CATSPERE: variants seen among roughly 807,000 people sequenced by gnomAD.
The protein encoded by CATSPERE is cation channel sperm-associated auxiliary subunit epsilon.
In CATSPERE, 93 loss-of-function variants were observed where a neutral mutation model predicts 114.1. That is an observed-to-expected ratio of 0.81 (90% CI 0.69 to 0.97). The LOEUF (loss-of-function observed/expected upper bound fraction) is 0.97, where lower values mean the gene tolerates loss of function less well. Among genes scored for constraint, CATSPERE ranks in the 50% least tolerant of loss-of-function variants. The probability of loss-of-function intolerance (pLI) is 0.00; values close to 1 mark genes in which losing one functional copy is unlikely to be tolerated. For missense variants in CATSPERE, 1,058 were observed against 1,131.6 expected (o/e 0.93, Z 0.93); for synonymous variants, 341 against 384.1 (o/e 0.89, Z 1.31).
rs1407317023 is a variant in CATSPERE at position 244,568,687 on chromosome 1, CT to C, written c.1508-3642del. On this transcript the variant is annotated intron_variant, in intron 10 of 21. Transcript: ENST00000366534. The surrounding 1 kb of genome is among the most constrained non-coding windows in gnomAD (Gnocchi z 4.4). ...CAAGCCTCAGTAATGGCAGACGCTC[CT>C]ACCCCCACCAAGTTCGGGTGTCCCA... 1.3e-5 allele frequency among the ~76,000 whole-genome samples: 2 copies of C among 152,180 alleles called. No homozygotes were observed. The highest frequency in any genetic ancestry group is 6.5e-5 in the Admixed American group (1 of 15,278).
chr1:244,558,825 G>A (rs918902299), intron 9 of CATSPERE, among the ~76,000 whole-genome samples: 1 of 151,734 alleles, frequency 6.6e-6, no homozygotes, highest in Non-Finnish European at 1.5e-5. Context: ...TCCCAATTCT[G>A]TCAGGGAAGC....
chr1:244,483,391 A>C (rs549928414), intron 5 of CATSPERE, among the ~76,000 whole-genome samples: 5 of 152,354 alleles, frequency 3.3e-5, no homozygotes, highest in Admixed American at 3.3e-4. Flanking sequence ...GTTCAACTTT[A>C]CTGGGTGATG....
upstream of CATSPERE, among the ~76,000 whole-genome samples, chr1:244,452,615 A>AT (rs1203003710): frequency 6.6e-6 from 1 of 152,190 alleles, no homozygotes; most frequent in African/African-American, 2.4e-5. Context: ...TGGATTACCT[A>AT]TGTCGCATAT....
chr1:244,542,135 T>A (rs1313910261), intron 8 of CATSPERE, among the ~76,000 whole-genome samples: 2 of 129,286 alleles, frequency 1.5e-5, no homozygotes, highest in East Asian at 2.4e-4. Context: ...TGTGCACATG[T>A]ACCCTAAAAC....
chr1:244,523,158 C>A (rs551246460), intron 8 of CATSPERE, among the ~76,000 whole-genome samples: 2 of 149,406 alleles, frequency 1.3e-5, no homozygotes, highest in Admixed American at 1.3e-4. Flanking sequence ...GGGCTTCATC[C>A]CTGGGATGCA....
intron 6 of CATSPERE, among the ~76,000 whole-genome samples, chr1:244,492,410 ACT>A (rs1222733320): frequency 6.6e-6 from 1 of 150,626 alleles, no homozygotes; most frequent in Non-Finnish European, 1.5e-5. Flanking sequence ...CATGCTAAAA[ACT>A]CTCAATAAAT....
intron 7 of CATSPERE, among the ~76,000 whole-genome samples, chr1:244,503,796 TC>T: frequency 6.6e-6 from 1 of 152,084 alleles, no homozygotes; most frequent in East Asian, 1.9e-4. Flanking sequence ...GTCTCAAACC[TC>T]TGGGCTCAAG....
chr1:244,574,270 G>A lies in CATSPERE; in HGVS notation c.1950+1498G>A, dbSNP rs568081398. Among the ~76,000 whole-genome samples the A allele has an allele frequency of 2.6e-4, 39 of 152,274 alleles. No homozygotes were observed. The Middle Eastern group carries it at 0.01, about 40-fold the overall frequency. ...CGAACTGGAACATGCCTGTGAGCACGTCCAGCACAGATATCTCGGTTAAAG... is the reference window on the plus strand; with the variant it reads ...CGAACTGGAACATGCCTGTGAGCACATCCAGCACAGATATCTCGGTTAAAG... On this transcript the variant is annotated intron_variant, in intron 11 of 21. Transcript: ENST00000366534.
At chr1:244,497,214 A>C (rs1673237871) in intron 6 of CATSPERE, among the ~76,000 whole-genome samples, 1 of 152,226 alleles carries the variant, frequency 6.6e-6, no homozygotes, top group African/African-American at 2.4e-5. Flanking sequence ...AAGCAAACCA[A>C]GCTATATGAT....
intron 5 of CATSPERE, among the ~76,000 whole-genome samples, chr1:244,487,043 A>G: frequency 6.7e-6 from 1 of 149,736 alleles, no homozygotes; most frequent in Non-Finnish European, 1.5e-5. Flanking sequence ...CCAGGTACAG[A>G]CGCTCGTAGT....
chr1:244,617,512 C>A lies in CATSPERE; in HGVS notation c.2491-17C>A. 6 of 1,472,882 alleles carry A rather than the reference C, an allele frequency of 4.1e-6. No homozygotes were observed. The South Asian group carries it at 8.4e-5, about 21-fold the overall frequency. The allele number at this position is 1,472,882 out of a possible 1,614,324, so 91.2% of individuals were successfully genotyped here. A position where few individuals can be genotyped will look rare whatever the true frequency, so the allele number is the denominator to read the frequency against. ...CATAAAATGACCTTAAAATTTTTGTCTTTGTTTCTTGTTCAGAACTATAAA... is the reference window on the plus strand; with the variant it reads ...CATAAAATGACCTTAAAATTTTTGTATTTGTTTCTTGTTCAGAACTATAAA... On this transcript the variant is annotated splice_polypyrimidine_tract_variant and intron_variant, in intron 19 of 21. Transcript: ENST00000366534.
intron 17 of CATSPERE, among the ~76,000 whole-genome samples, chr1:244,601,563 G>A (rs1371978927): frequency 6.6e-6 from 1 of 152,162 alleles, no homozygotes; most frequent in Non-Finnish European, 1.5e-5. Flanking sequence ...TTTCTCACCA[G>A]CAAAAATAGG....
chr1:244,589,619 G>T (rs1243874210), intron 14 of CATSPERE, among the ~76,000 whole-genome samples: 1 of 152,110 alleles, frequency 6.6e-6, no homozygotes, highest in Non-Finnish European at 1.5e-5. Context: ...ATCAAAATCT[G>T]CATTTTAACA....
intron 5 of CATSPERE, among the ~76,000 whole-genome samples, chr1:244,483,037 T>C (rs1670494534): frequency 6.6e-6 from 1 of 152,246 alleles, no homozygotes; most frequent in Non-Finnish European, 1.5e-5. Context: ...TTGTGACTGC[T>C]CTATGGTATT....
intron 10 of CATSPERE, among the ~76,000 whole-genome samples, chr1:244,569,061 C>G (rs1023816014): frequency 6.7e-6 from 1 of 149,538 alleles, no homozygotes; most frequent in Non-Finnish European, 1.5e-5. Flanking sequence ...ATGGAGGAAC[C>G]AGACTGTTCC....
At chr1:244,480,641 T>TTCAATAAAACTGCAG (rs55834250) in intron 5 of CATSPERE, among the ~76,000 whole-genome samples, 1 of 151,408 alleles carries the variant, frequency 6.6e-6, no homozygotes, top group Admixed American at 6.6e-5. Flanking sequence ...TGGTTGTTGC[T>TTCAATAAAACTGCAG]GATAGTTTTA....
intron 8 of CATSPERE, among the ~76,000 whole-genome samples, chr1:244,535,376 A>G (rs7547927): frequency 0.12 from 18,423 of 152,254 alleles, 1,860 homozygotes; most frequent in African/African-American, 0.28. Flanking sequence ...ATGTGGGTCC[A>G]GAGGTACCAT....
chr1:244,461,464 G>T lies in CATSPERE; in HGVS notation c.35G>T (p.Trp12Leu), dbSNP rs1300910200. ...CGGGAAGTGGCCGTGCTGCTGCTGT[G>T]GCTGAGCTGCTATGGCTCCGCCCTT... ...SAREVAVLLL[W>L]LSCYGSALWR... is the part of the protein sequence containing the mutation. The change falls in exon 1 of 22, where the codon TGG becomes TTG. Residue 12 changes from tryptophan (W) to leucine (L), a missense_variant. By Grantham distance (61) the Trp-to-Leu change is moderately conservative (BLOSUM62 -2). Coordinates refer to ENST00000366534, the MANE Select transcript of CATSPERE (RefSeq NM_001130957.2). 14 of 1,364,278 alleles carry T rather than the reference G, an allele frequency of 1.0e-5. No individual in the cohort carries two copies. The highest frequency in any genetic ancestry group is 1.3e-5 in the Non-Finnish European group (14 of 1,052,188). 84.5% of individuals were successfully genotyped at this position (1,364,278 alleles called of 1,614,324 possible). A position where few individuals can be genotyped will look rare whatever the true frequency, so the allele number is the denominator to read the frequency against.
intron 10 of CATSPERE, among the ~76,000 whole-genome samples, chr1:244,562,296 A>T (rs1326059336): frequency 1.3e-5 from 2 of 152,106 alleles, no homozygotes; most frequent in South Asian, 2.1e-4. Flanking sequence ...GTATTGTTCC[A>T]CTGTCTATGC....
Sources: allele counts gnomAD v4.1 joint callset (sites outside exome capture counted in the v4.1 genomes callset), GRCh38; gene constraint gnomAD v4.1.1; non-coding constraint Gnocchi (gnomAD v3.1); transcripts MANE v1.5; gene names NCBI Gene and HGNC (gene_info 2026-07-23, HGNC 2026-07-21).